The following TNS3 variants were observed in gnomAD, a reference collection of about 807,000 sequenced individuals.
The protein encoded by TNS3 is tensin-3.
TNS3 carries 45 observed loss-of-function variants against 140.9 expected under a neutral mutation model. The observed-to-expected ratio is 0.32, with a 90% CI of 0.25 to 0.41. The LOEUF (loss-of-function observed/expected upper bound fraction) is 0.41. TNS3 is among the 10% of genes least tolerant of loss of function. The probability of loss-of-function intolerance (pLI) is 1.00; values close to 1 mark genes in which losing one functional copy is unlikely to be tolerated. For missense variants in TNS3, 1,716 were observed against 1,906.7 expected (o/e 0.90, Z 1.86); for synonymous variants, 815 against 788.4 (o/e 1.03, Z -0.56).
chr7:47,460,956 C>T (rs1478155351), intron 4 of TNS3, among the ~76,000 whole-genome samples: 2 of 152,184 alleles, frequency 1.3e-5, no homozygotes, highest in African/African-American at 4.8e-5. Flanking sequence ...TATACCTTAA[C>T]ATTACAGATC....
chr7:47,454,935 T>A (rs1796185385), intron 4 of TNS3, among the ~76,000 whole-genome samples: 1 of 152,176 alleles, frequency 6.6e-6, no homozygotes. Context: ...TTATGTATGC[T>A]GAGTCCACTC....
intron 23 of TNS3, among the ~76,000 whole-genome samples, chr7:47,298,851 A>T (rs1786210642): frequency 6.6e-6 from 1 of 152,250 alleles, no homozygotes; most frequent in Non-Finnish European, 1.5e-5. Context: ...GGATGAGGGC[A>T]CGGGGAGGAG....
chr7:47,400,293 G>T (rs1793079693), intron 15 of TNS3, 100 bp downstream of exon 15: 2 of 949,428 alleles, frequency 2.1e-6, no homozygotes, highest in Admixed American at 4.3e-5. Context: ...CTCCAAATAT[G>T]CACAAAGGCA....
intron 1 of TNS3, among the ~76,000 whole-genome samples, chr7:47,581,242 C>T (rs1784523982): frequency 6.6e-6 from 1 of 152,078 alleles, no homozygotes; most frequent in Admixed American, 6.5e-5. Context: ...GACCCTCCCT[C>T]CTCCTGCTTG....
intron 15 of TNS3, among the ~76,000 whole-genome samples, chr7:47,397,764 C>T (rs1345499117): frequency 4.6e-5 from 7 of 152,162 alleles, no homozygotes. Context: ...CCTCATGTCA[C>T]ACCTCAAGGA....
chr7:47,297,681 G>A (rs772272974), intron 23 of TNS3, among the ~76,000 whole-genome samples: 48 of 152,058 alleles, frequency 3.2e-4, no homozygotes, highest in African/African-American at 8.7e-4. Context: ...GGAGGCTGTC[G>A]CAGAACACCC....
intron 3 of TNS3, among the ~76,000 whole-genome samples, chr7:47,502,603 G>A (rs551694963): frequency 4.6e-5 from 7 of 152,354 alleles, no homozygotes; most frequent in Middle Eastern, 3.4e-3. Flanking sequence ...AGGGGGTTCC[G>A]CTGACTTCCC....
chr7:47,414,366 G>A (rs1793957560), intron 11 of TNS3, among the ~76,000 whole-genome samples: 2 of 152,204 alleles, frequency 1.3e-5, no homozygotes, highest in African/African-American at 2.4e-5. Context: ...ACCTGCATGC[G>A]ACTGGCGAGG....
chr7:47,340,846 T>G (rs1324995748), intron 20 of TNS3, among the ~76,000 whole-genome samples: 1 of 152,198 alleles, frequency 6.6e-6, no homozygotes, highest in Non-Finnish European at 1.5e-5. Flanking sequence ...CTTCCAGAAC[T>G]ATGTTGAAAA....
chr7:47,303,041 G>A lies in TNS3; in HGVS notation c.3366C>T (p.Ser1122=), dbSNP rs1479581040. The change falls in exon 22 of 31, where the codon TCC becomes TCT. Residue 1122 remains serine (S), a synonymous_variant. Coordinates refer to ENST00000311160, the MANE Select transcript of TNS3 (RefSeq NM_022748.12). ...GSVSPSSSGF[S]SPHSGSTISI... ...TGATGGTGCTCCCGCTGTGCGGGCT[G>A]GAGAAGCCACTGGAGGAGGGAGAGA... 2.5e-6 allele frequency: 4 copies of A among 1,614,010 alleles called. No individual in the cohort carries two copies. In the Admixed American group the frequency reaches 5.0e-5, roughly 20 times the overall value.
chr7:47,420,144 T>C (rs1562717542), intron 10 of TNS3, among the ~76,000 whole-genome samples: 1 of 152,346 alleles, frequency 6.6e-6, no homozygotes, highest in East Asian at 1.9e-4. Flanking sequence ...CTTTAAAGTA[T>C]TCTTTCAGGC....
chr7:47,578,265 G>A (rs1441981019), intron 1 of TNS3, among the ~76,000 whole-genome samples: 4 of 151,994 alleles, frequency 2.6e-5, no homozygotes, highest in Non-Finnish European at 5.9e-5. Flanking sequence ...AGCTGAGATG[G>A]CCCGACTGGA....
rs913253970 is a variant in TNS3, at chr7:47,435,110, T to C, written c.324+172A>G. 9.5e-5 allele frequency among the ~76,000 whole-genome samples: 12 copies of C among 125,934 alleles called. No individual in the cohort carries two copies. In the East Asian group the frequency reaches 1.3e-3, roughly 13 times the overall value. The allele number at this position is 125,934 out of a possible 152,430, so 82.6% of individuals were successfully genotyped here. On this transcript the variant is annotated intron_variant, in intron 8 of 30. Coordinates refer to ENST00000311160, the MANE Select transcript of TNS3 (RefSeq NM_022748.12). ...TAAAGCCAAACTTGGGGAGGTGTGA[T>C]AACTCTGTTTCCTTCTTTAAGAGCA...
intron 17 of TNS3, among the ~76,000 whole-genome samples, chr7:47,361,246 AC>A (rs988202035): frequency 7.0e-6 from 1 of 143,404 alleles, no homozygotes; most frequent in Admixed American, 7.0e-5. Flanking sequence ...CCAGCCCAAG[AC>A]CCCAAGGCTC....
At chr7:47,319,690 T>C (rs1274454248) in intron 20 of TNS3, among the ~76,000 whole-genome samples, 2 of 152,194 alleles carry the variant, frequency 1.3e-5, no homozygotes, top group Admixed American at 6.5e-5. Flanking sequence ...CAGATTTCAA[T>C]GGACCTGAAT....
chr7:47,416,825 T>C (rs995212800), intron 10 of TNS3, among the ~76,000 whole-genome samples: 1 of 152,236 alleles, frequency 6.6e-6, no homozygotes, highest in Admixed American at 6.5e-5. Flanking sequence ...TTTGGCTCCC[T>C]GGTTTTGAGT....
chr7:47,344,917 T>G lies in TNS3; in HGVS notation c.2566+7A>C. ...AGCACATGCAGCTAGTGTTACTTCATTCTTACCATACGGTGTCTCTGGAGA... is the reference window on the plus strand; with the variant it reads ...AGCACATGCAGCTAGTGTTACTTCAGTCTTACCATACGGTGTCTCTGGAGA... On this transcript the variant is annotated splice_region_variant and intron_variant, in intron 19 of 30. Transcript: ENST00000311160. 3 of 1,614,026 alleles carry G rather than the reference T, an allele frequency of 1.9e-6. No individual in the cohort carries two copies. The highest frequency in any genetic ancestry group is 2.5e-6 in the Non-Finnish European group (3 of 1,179,890).
At chr7:47,291,658 C>T (rs1002145871) in intron 27 of TNS3, among the ~76,000 whole-genome samples, 4 of 151,904 alleles carry the variant, frequency 2.6e-5, no homozygotes, top group Admixed American at 1.3e-4. Flanking sequence ...TTACAGTTGC[C>T]GAGACAGATC....
At chr7:47,411,636 G>T in intron 13 of TNS3, 91 bp downstream of exon 13, 3 of 1,364,484 alleles carry the variant, frequency 2.2e-6, no homozygotes, top group South Asian at 2.7e-5. Flanking sequence ...GGGGGTGAGG[G>T]TTACTGTTTT....
Sources: gnomAD v4.1 joint callset for allele counts (sites outside exome capture counted in the v4.1 genomes callset) on GRCh38, gnomAD v4.1.1 for gene constraint, MANE v1.5 for transcripts, NCBI Gene and HGNC (gene_info 2026-07-23, HGNC 2026-07-21) for gene names.